AFF3: variants seen among roughly 807,000 people sequenced by gnomAD.
AFF3 encodes ALF transcription elongation factor 3, also known as AF4/FMR2 family member 3.
A neutral mutation model predicts 129.7 loss-of-function variants in AFF3; 32 were observed. That is an observed-to-expected ratio of 0.25 (90% CI 0.19 to 0.33). The LOEUF is 0.33. Among genes scored for constraint, AFF3 ranks in the 10% least tolerant of loss-of-function variants. AFF3 has a pLI of 1.00. For synonymous variants in AFF3, 644 were observed against 635.4 expected (o/e 1.01, Z -0.20); for missense variants, 1,373 against 1,592.0 (o/e 0.86, Z 2.34).
chr2:99,819,923 T>C (rs1002450576), intron 8 of AFF3, among the ~76,000 whole-genome samples: 2 of 152,100 alleles, frequency 1.3e-5, no homozygotes, highest in Admixed American at 6.5e-5. Flanking sequence ...TTACTGGGGG[T>C]AATGTGGGAA....
chr2:99,903,552 T>A (rs146171926), intron 7 of AFF3, among the ~76,000 whole-genome samples: 89 of 152,266 alleles, frequency 5.8e-4, no homozygotes, highest in African/African-American at 2.1e-3. Context: ...AATTGGAATA[T>A]CAATAATAAA....
chr2:99,742,705 G>A (rs571197093), intron 10 of AFF3, among the ~76,000 whole-genome samples: 4 of 152,230 alleles, frequency 2.6e-5, no homozygotes, highest in South Asian at 2.1e-4. Context: ...TTTTAGCCAG[G>A]TGATTAAAAA....
At chr2:100,011,407 C>A (rs138923897) in intron 4 of AFF3, 3 of 773,298 alleles carry the variant, frequency 3.9e-6, no homozygotes, top group East Asian at 2.4e-5. Context: ...GTGTGATGCA[C>A]GAAGTGGCCT....
At chr2:99,823,382 A>C (rs1399992314) in intron 8 of AFF3, among the ~76,000 whole-genome samples, 1 of 152,170 alleles carries the variant, frequency 6.6e-6, no homozygotes, top group East Asian at 1.9e-4. Context: ...TGATTCAGAA[A>C]GTATTAATAA....
rs903655667 is a variant in AFF3, at chr2:99,763,386, C to T, written c.922-11085G>A. 5.9e-5 allele frequency among the ~76,000 whole-genome samples: 9 copies of T among 152,052 alleles called. No homozygotes were observed. In the South Asian group the frequency reaches 6.2e-4, roughly 10 times the overall value. ...AATAATAAATATAATGCATTCATAT[C>T]GATTAATATTAACAGGCCAGGAACA... On this transcript the variant is annotated intron_variant, in intron 8 of 24. Transcript: ENST00000672756.
intron 4 of AFF3, among the ~76,000 whole-genome samples, chr2:100,037,369 T>C (rs1224075648): frequency 6.9e-6 from 1 of 145,002 alleles, no homozygotes; most frequent in Non-Finnish European, 1.5e-5. Context: ...ACACATATTT[T>C]ATACATACAT....
At chr2:99,952,505 C>T (rs1676259249) in intron 7 of AFF3, among the ~76,000 whole-genome samples, 1 of 152,108 alleles carries the variant, frequency 6.6e-6, no homozygotes. Flanking sequence ...GTCCCGCTGC[C>T]CCCATCATGA....
At chr2:100,107,720 AG>A (rs1041105920) in intron 2 of AFF3, among the ~76,000 whole-genome samples, 5 of 152,134 alleles carry the variant, frequency 3.3e-5, no homozygotes, top group African/African-American at 1.2e-4. Context: ...TACCAAAGAA[AG>A]GGACTAACAA....
chr2:99,778,325 G>A (rs1558841199), intron 8 of AFF3, among the ~76,000 whole-genome samples: 1 of 152,178 alleles, frequency 6.6e-6, no homozygotes, highest in East Asian at 1.9e-4. Flanking sequence ...AAAAATATTT[G>A]TTCAAAACAT....
chr2:99,860,604 T>C (rs1263337931), intron 7 of AFF3, among the ~76,000 whole-genome samples: 2 of 151,840 alleles, frequency 1.3e-5, no homozygotes, highest in Admixed American at 6.6e-5. Flanking sequence ...GGTGTGCGCC[T>C]GTAATCCTAG....
intron 7 of AFF3, among the ~76,000 whole-genome samples, chr2:99,924,223 C>T (rs1422947235): frequency 2.0e-5 from 3 of 152,190 alleles, no homozygotes; most frequent in African/African-American, 7.2e-5. Flanking sequence ...AAGATATGAT[C>T]CCTGTTGTGG....
At chr2:99,931,780 G>A (rs1427305156) in intron 7 of AFF3, among the ~76,000 whole-genome samples, 4 of 152,132 alleles carry the variant, frequency 2.6e-5, no homozygotes, top group African/African-American at 9.7e-5. Flanking sequence ...ATGGTGGCGG[G>A]TTCCTGTAAT....
rs77939312 is a variant in AFF3, at chr2:99,707,575, C to T, written c.1091+19502G>A. On this transcript the variant is annotated intron_variant, in intron 11 of 24. Coordinates refer to ENST00000672756, the MANE Select transcript of AFF3 (RefSeq NM_001386135.1). ...CAAAGTATCTCGCTGAAAAAAAAAT[C>T]CCCCTTGCAATTAATAAACAAGTTG... The T allele has an allele frequency of 5.4e-4, 504 of 938,724 alleles. 4 individuals are homozygous for T. In the African/African-American group the frequency reaches 8.4e-3, roughly 16 times the overall value. The allele number at this position is 938,724 out of a possible 1,614,324, so 58.1% of individuals were successfully genotyped here.
intron 11 of AFF3, among the ~76,000 whole-genome samples, chr2:99,720,062 CAAAT>C (rs1318691746): frequency 4.6e-5 from 7 of 152,132 alleles, no homozygotes; most frequent in African/African-American, 9.6e-5. Context: ...AACAAACAAA[CAAAT>C]AAATAAAGTA....
chr2:100,105,669 T>C, intron 2 of AFF3, 86 bp from the exon 3 acceptor site: 5 of 1,347,860 alleles, frequency 3.7e-6, no homozygotes, highest in South Asian at 1.2e-5. Context: ...CCCCCTGGCT[T>C]ACTTTTTTAG....
intron 7 of AFF3, among the ~76,000 whole-genome samples, chr2:100,005,471 C>T (rs930745152): frequency 4.6e-5 from 7 of 152,118 alleles, no homozygotes; most frequent in Non-Finnish European, 8.8e-5. Context: ...TTGATGATGA[C>T]GAATCAAACA....
At chr2:99,555,532 A>G (rs1348840865) in intron 22 of AFF3, among the ~76,000 whole-genome samples, 2 of 152,234 alleles carry the variant, frequency 1.3e-5, no homozygotes, top group Non-Finnish European at 2.9e-5. Flanking sequence ...TCTGTTGCAC[A>G]AGCCAGGTGC....
At chr2:99,998,545 C>A (rs1681067374) in intron 7 of AFF3, among the ~76,000 whole-genome samples, 1 of 152,176 alleles carries the variant, frequency 6.6e-6, no homozygotes, top group Non-Finnish European at 1.5e-5. Flanking sequence ...AGAGAAATAG[C>A]TGAATGCATA....
chr2:99,945,723 T>C (rs1675497826), intron 7 of AFF3, among the ~76,000 whole-genome samples: 1 of 152,220 alleles, frequency 6.6e-6, no homozygotes, highest in Non-Finnish European at 1.5e-5. Context: ...CTACCAGTAT[T>C]GTTATAGATG....
Sources: gnomAD v4.1 joint callset for allele counts (sites outside exome capture counted in the v4.1 genomes callset) on GRCh38, gnomAD v4.1.1 for gene constraint, MANE v1.5 for transcripts, NCBI Gene and HGNC (gene_info 2026-07-23, HGNC 2026-07-21) for gene names.